CORO1C: variants seen among roughly 807,000 people sequenced by gnomAD.
CORO1C encodes the protein coronin-1C.
Under a neutral mutation model 51.2 loss-of-function variants are expected in CORO1C, and 14 were observed. The ratio of observed to expected loss-of-function variants is 0.27; its 90% CI spans 0.18 to 0.43. The LOEUF (loss-of-function observed/expected upper bound fraction) is 0.43. Ranked by LOEUF, CORO1C falls within the 20% of genes least tolerant of loss-of-function variation. The pLI is 1.00. For missense variants in CORO1C, 417 were observed against 607.8 expected (o/e 0.69, Z 3.30); for synonymous variants, 181 against 210.5 (o/e 0.86, Z 1.21).
chr12:108,662,731 A>T (rs1040038497), intron 3 of CORO1C, among the ~76,000 whole-genome samples: 1 of 152,218 alleles, frequency 6.6e-6, no homozygotes, highest in Non-Finnish European at 1.5e-5. Context: ...TTTTTAAAAC[A>T]TATTTTCTAT....
chr12:108,708,528 C>T (rs570167124), intron 1 of CORO1C, among the ~76,000 whole-genome samples: 3 of 149,208 alleles, frequency 2.0e-5, no homozygotes, highest in Admixed American at 6.7e-5. Context: ...ATGGCTCAAA[C>T]TCGGCTCACT....
At chr12:108,720,296 C>T (rs1329117504) in intron 1 of CORO1C, among the ~76,000 whole-genome samples, 1 of 152,114 alleles carries the variant, frequency 6.6e-6, no homozygotes, top group Non-Finnish European at 1.5e-5. Context: ...TTCAAGAAAT[C>T]AATTAAGTTA....
chr12:108,652,138 T>C (rs1782842953), intron 8 of CORO1C, 134 bp downstream of exon 8: 1 of 565,168 alleles, frequency 1.8e-6, no homozygotes, highest in South Asian at 3.5e-5. Flanking sequence ...CTCATGGCAA[T>C]GTGTACAATT....
At chr12:108,718,118 C>T (rs143419159) in intron 1 of CORO1C, among the ~76,000 whole-genome samples, 167 of 152,258 alleles carry the variant, frequency 1.1e-3, no homozygotes, top group African/African-American at 3.8e-3. Flanking sequence ...CTTTGGGAGG[C>T]CAAGGCGGGC....
rs561006373 is a variant in CORO1C at position 108,679,025 on chromosome 12, C to T, written c.196-631G>A. On this transcript the variant is annotated intron_variant, in intron 2 of 10. Transcript: ENST00000261401. ...ACTTGGGAGGCTGAGGCAGGAGTAT[C>T]GCTTGAACCCGGTAGGCAGAGGTTG... is the stretch of plus-strand genomic sequence containing the variant. Among the ~76,000 whole-genome samples the T allele has an allele frequency of 1.4e-3, 206 of 144,998 alleles. 1 individual carries two copies. The highest frequency in any genetic ancestry group is 0.011 in the Middle Eastern group (3 of 272).
At chr12:108,656,169 A>C (rs1188225093) in intron 6 of CORO1C, among the ~76,000 whole-genome samples, 1 of 46,974 alleles carries the variant, frequency 2.1e-5, no homozygotes, top group African/African-American at 6.9e-5. Context: ...AGAAGTGAGG[A>C]GCCCCTCCGC....
chr12:108,656,430 G>T (rs1351596976), intron 6 of CORO1C, among the ~76,000 whole-genome samples: 1 of 150,892 alleles, frequency 6.6e-6, no homozygotes, highest in African/African-American at 2.4e-5. Context: ...GGAGGGAGGT[G>T]GGGGGTCAGC....
chr12:108,674,605 A>G (rs916038373), intron 3 of CORO1C, among the ~76,000 whole-genome samples: 2 of 152,022 alleles, frequency 1.3e-5, no homozygotes, highest in Non-Finnish European at 1.5e-5. Flanking sequence ...TTTAGGTGAC[A>G]TTAAGAAAAT....
intron 3 of CORO1C, among the ~76,000 whole-genome samples, chr12:108,666,407 C>A (rs369635002): frequency 9.9e-5 from 15 of 152,076 alleles, no homozygotes; most frequent in Non-Finnish European, 2.1e-4. Context: ...GTGTTCTCTA[C>A]GGTGGACTGT....
rs78876552 is a variant in CORO1C at position 108,683,741 on chromosome 12, C to T, written c.196-5347G>A. On this transcript the variant is annotated intron_variant, in intron 2 of 10. Coordinates refer to ENST00000261401, the MANE Select transcript of CORO1C (RefSeq NM_014325.4). ...AGATCAGTAGTATAACTCTACCCATCACCACCTCCCAATCAATCAATCAAT... is the reference window on the plus strand; with the variant it reads ...AGATCAGTAGTATAACTCTACCCATTACCACCTCCCAATCAATCAATCAAT... 1.9e-3 allele frequency among the ~76,000 whole-genome samples: 293 copies of T among 152,130 alleles called. 2 individuals carry two copies. The East Asian group carries it at 0.033, about 17-fold the overall frequency.
chr12:108,686,400 ATTAT>A (rs2034296800), intron 2 of CORO1C, among the ~76,000 whole-genome samples: 1 of 152,240 alleles, frequency 6.6e-6, no homozygotes, highest in Admixed American at 6.5e-5. Flanking sequence ...TAAAAAATGA[ATTAT>A]TTAAGAAACT....
chr12:108,714,265 T>TGTA (rs1371217487), intron 1 of CORO1C, among the ~76,000 whole-genome samples: 1 of 151,986 alleles, frequency 6.6e-6, no homozygotes, highest in Non-Finnish European at 1.5e-5. Flanking sequence ...GGCGCACAAC[T>TGTA]GTAGTCCCAG....
chr12:108,646,448 T>A lies in CORO1C; in HGVS notation c.*955A>T, dbSNP rs1202015781. Reference sequence around the variant, plus strand: ...AAGGGCAAGAAGGAACACTCAGCAGTACACGTCTTCCTGTCCTGGGCACCC... The same window carrying A: ...AAGGGCAAGAAGGAACACTCAGCAGAACACGTCTTCCTGTCCTGGGCACCC... On this transcript the variant is annotated 3_prime_UTR_variant, in exon 11 of 11. Transcript: ENST00000261401. 2 of 152,262 alleles carry A rather than the reference T, an allele frequency of 1.3e-5. No individual in the cohort carries two copies. The highest frequency in any genetic ancestry group is 3.8e-4 in the East Asian group (2 of 5,202). The allele number at this position is 152,262 out of a possible 1,614,324, so 9.4% of individuals were successfully genotyped here.
chr12:108,688,809 G>A (rs1037537019), intron 2 of CORO1C, among the ~76,000 whole-genome samples: 3 of 152,064 alleles, frequency 2.0e-5, no homozygotes, highest in African/African-American at 7.2e-5. Context: ...ACCAAGGCAG[G>A]CAGATAGGTC....
chr12:108,675,869 G>A (rs1019117205), intron 3 of CORO1C, among the ~76,000 whole-genome samples: 1 of 152,132 alleles, frequency 6.6e-6, no homozygotes, highest in African/African-American at 2.4e-5. Context: ...GAATCTGACC[G>A]CACTTCAGGT....
At chr12:108,710,116 A>G (rs1268284336) in intron 1 of CORO1C, among the ~76,000 whole-genome samples, 1 of 152,228 alleles carries the variant, frequency 6.6e-6, no homozygotes, top group Non-Finnish European at 1.5e-5. Context: ...ATTTTCCAAT[A>G]CAACAGCAAC....
chr12:108,682,886 T>C (rs1233140038), intron 2 of CORO1C, among the ~76,000 whole-genome samples: 1 of 152,170 alleles, frequency 6.6e-6, no homozygotes, highest in Admixed American at 6.5e-5. Flanking sequence ...CTCCAGTACA[T>C]TTGAAAATAT....
intron 1 of CORO1C, among the ~76,000 whole-genome samples, chr12:108,705,459 C>CAAAAAAAA (rs1163703701): frequency 1.4e-4 from 9 of 63,398 alleles, no homozygotes; most frequent in East Asian, 1.1e-3. Context: ...GACCCTGTCT[C>CAAAAAAAA]AAAAAAAAAA....
chr12:108,726,534 G>T (rs1266386697), intron 1 of CORO1C, among the ~76,000 whole-genome samples: 1 of 151,874 alleles, frequency 6.6e-6, no homozygotes, highest in Non-Finnish European at 1.5e-5. Context: ...AAGAGGCTGG[G>T]CATGGTGCAT....
Sources: allele counts gnomAD v4.1 joint callset (sites outside exome capture counted in the v4.1 genomes callset), GRCh38; gene constraint gnomAD v4.1.1; transcripts MANE v1.5; gene names NCBI Gene and HGNC (gene_info 2026-07-23, HGNC 2026-07-21).